The following PEAK1 variants were observed in gnomAD, a reference collection of about 807,000 sequenced individuals.
PEAK1 encodes the protein pseudopodium enriched atypical kinase 1.
PEAK1 carries 54 observed loss-of-function variants against 124.7 expected under a neutral mutation model. That is an observed-to-expected ratio of 0.43 (90% CI 0.35 to 0.54). The LOEUF is 0.54. PEAK1 is among the 20% of genes least tolerant of loss of function. The pLI is 0.01. For missense variants in PEAK1, 2,046 were observed against 2,134.5 expected (o/e 0.96, Z 0.82); for synonymous variants, 719 against 760.0 (o/e 0.95, Z 0.89).
At chr15:77,333,885 A>C (rs2066039006) in intron 2 of PEAK1, 1 of 469,528 alleles carries the variant, frequency 2.1e-6, no homozygotes, top group Non-Finnish European at 2.8e-6. Flanking sequence ...TTTTAAACTT[A>C]TTCTACAACA....
At chr15:77,393,941 C>G (rs1322676368) in intron 1 of PEAK1, among the ~76,000 whole-genome samples, 1 of 152,154 alleles carries the variant, frequency 6.6e-6, no homozygotes, top group Admixed American at 6.5e-5. Flanking sequence ...TCATCACAAG[C>G]TGACTGAAGG....
intron 6 of PEAK1, among the ~76,000 whole-genome samples, chr15:77,233,168 T>C (rs1456899749): frequency 6.6e-6 from 1 of 152,230 alleles, no homozygotes. Context: ...CCGGTTTCCC[T>C]CTAAGTACCA....
chr15:77,147,705 A>T (rs541568261), intron 8 of PEAK1, among the ~76,000 whole-genome samples: 33 of 152,346 alleles, frequency 2.2e-4, no homozygotes, highest in South Asian at 2.1e-3. Flanking sequence ...AAGTGATCTT[A>T]TATGATCACC....
At chr15:77,338,469 A>C (rs1014669436) in intron 2 of PEAK1, among the ~76,000 whole-genome samples, 4 of 152,162 alleles carry the variant, frequency 2.6e-5, no homozygotes, top group Middle Eastern at 3.2e-3. Flanking sequence ...AAAGAAATCT[A>C]CAAAAGGTAC....
intron 1 of PEAK1, among the ~76,000 whole-genome samples, chr15:77,389,722 A>T (rs891537376): frequency 2.0e-5 from 3 of 152,146 alleles, no homozygotes; most frequent in African/African-American, 7.2e-5. Context: ...TAGGGTTACT[A>T]CCTTTTTGTA....
At chr15:77,233,223 G>C (rs1302353718) in intron 6 of PEAK1, among the ~76,000 whole-genome samples, 1 of 152,128 alleles carries the variant, frequency 6.6e-6, no homozygotes, top group African/African-American at 2.4e-5. Flanking sequence ...CTTAAAAAGA[G>C]TGCCCTTCAC....
intron 2 of PEAK1, among the ~76,000 whole-genome samples, chr15:77,312,968 A>G (rs913889432): frequency 9.9e-5 from 15 of 152,238 alleles, no homozygotes; most frequent in African/African-American, 3.6e-4. Context: ...GCTTATCAGA[A>G]GCCTTTTAAA....
chr15:77,225,661 AT>A (rs2059600890), intron 6 of PEAK1, among the ~76,000 whole-genome samples: 1 of 58,908 alleles, frequency 1.7e-5, no homozygotes. Flanking sequence ...GTGTGTGTGT[AT>A]AATTTATATA....
chr15:77,271,256 G>A (rs899497068), intron 5 of PEAK1, among the ~76,000 whole-genome samples: 3 of 152,152 alleles, frequency 2.0e-5, no homozygotes, highest in African/African-American at 7.2e-5. Context: ...AGTTAGAATG[G>A]CGATCATTAA....
chr15:77,232,763 T>C (rs1366240902), intron 6 of PEAK1, among the ~76,000 whole-genome samples: 1 of 152,192 alleles, frequency 6.6e-6, no homozygotes, highest in East Asian at 1.9e-4. Flanking sequence ...GTTTTGTTTT[T>C]AGATGGATTC....
At chr15:77,117,930 G>C (rs2152716260) in intron 9 of PEAK1, among the ~76,000 whole-genome samples, 1 of 152,282 alleles carries the variant, frequency 6.6e-6, no homozygotes, top group South Asian at 2.1e-4. Context: ...CCAGAGCTTT[G>C]TGAGTAGACA....
intron 1 of PEAK1, among the ~76,000 whole-genome samples, chr15:77,383,349 G>A (rs1339953365): frequency 1.3e-5 from 2 of 152,058 alleles, no homozygotes; most frequent in Admixed American, 1.3e-4. Flanking sequence ...ATTTTAAATA[G>A]AGAAGAATAT....
chr15:77,407,317 A>C (rs2071912429), intron 1 of PEAK1, among the ~76,000 whole-genome samples: 1 of 152,228 alleles, frequency 6.6e-6, no homozygotes, highest in Non-Finnish European at 1.5e-5. Flanking sequence ...CGAAATAACC[A>C]GCAGAGTAAA....
chr15:77,147,644 C>G (rs910893356), intron 8 of PEAK1, among the ~76,000 whole-genome samples: 2 of 152,134 alleles, frequency 1.3e-5, no homozygotes, highest in Non-Finnish European at 2.9e-5. Flanking sequence ...GACAGACACC[C>G]TATAAAATTC....
chr15:77,376,041 A>G (rs1567325015), intron 1 of PEAK1, among the ~76,000 whole-genome samples: 3 of 149,696 alleles, frequency 2.0e-5, no homozygotes, highest in South Asian at 4.2e-4. Flanking sequence ...ATAAATAAAT[A>G]AATGTAATAA....
intron 1 of PEAK1, chr15:77,371,472 A>C: frequency 1.0e-6 from 1 of 982,818 alleles, no homozygotes; most frequent in Non-Finnish European, 1.2e-6. Flanking sequence ...TGTAACTCAG[A>C]TCTTTATTGT....
intron 2 of PEAK1, among the ~76,000 whole-genome samples, chr15:77,363,188 T>C (rs1337565971): frequency 6.6e-6 from 1 of 152,050 alleles, no homozygotes; most frequent in Non-Finnish European, 1.5e-5. Context: ...ACAATTACAG[T>C]CTTTACCTGG....
chr15:77,312,305 T>C (rs976739189), intron 2 of PEAK1, among the ~76,000 whole-genome samples: 6 of 152,214 alleles, frequency 3.9e-5, no homozygotes, highest in Non-Finnish European at 8.8e-5. Context: ...TTATAGTTAC[T>C]CATGTAATTA....
chr15:77,130,109 G>T (rs1043452987), intron 9 of PEAK1, among the ~76,000 whole-genome samples: 4 of 152,160 alleles, frequency 2.6e-5, no homozygotes, highest in Non-Finnish European at 4.4e-5. Flanking sequence ...TATAAGCAAA[G>T]AAATCAATAC....
Sources: allele counts gnomAD v4.1 joint callset (sites outside exome capture counted in the v4.1 genomes callset), GRCh38; gene constraint gnomAD v4.1.1; transcripts MANE v1.5; gene names NCBI Gene and HGNC (gene_info 2026-07-23, HGNC 2026-07-21).